PRX: variants seen among roughly 807,000 people sequenced by gnomAD.
PRX encodes periaxin.
In PRX, 24 loss-of-function variants were observed where a neutral mutation model predicts 29.6. That is an observed-to-expected ratio of 0.81 (90% CI 0.59 to 1.14). PRX has a LOEUF of 1.14. PRX is among the 50% of genes most tolerant of loss of function. The pLI is 0.00. For synonymous variants in PRX, 772 were observed against 831.7 expected (o/e 0.93, Z 1.24); for missense variants, 1,838 against 1,926.4 (o/e 0.95, Z 0.86).
In PRX at chr19:40,395,000, C is replaced by A. The variant is rs143654708; in HGVS notation, c.3352G>T (p.Val1118Phe). Residue 1118 changes from valine (V) to phenylalanine (F), a missense_variant, in exon 7 of 7, where the codon GTC becomes TTC. Transcript: ENST00000324001. This position sits in a 1 kb window ranked among gnomAD's most constrained non-coding sequence, Gnocchi z 5.8. Reference sequence around the variant, plus strand: ...AGGCCTGACAGCTGCATTCCACTGACGGCCACAGCCCCCTCTGCCCTCCCT... The same window carrying A: ...AGGCCTGACAGCTGCATTCCACTGAAGGCCACAGCCCCCTCTGCCCTCCCT... ...EEGRAEGAVAVSGMQLSGLKV... is the reference protein window; with the variant it reads ...EEGRAEGAVAFSGMQLSGLKV... 4 of 1,609,336 alleles carry A rather than the reference C, an allele frequency of 2.5e-6. 1 individual carries two copies. The East Asian group carries it at 8.9e-5, about 36-fold the overall frequency.
Position 40,399,893 on chromosome 19 carries a change from T to TTCTTTCTTTCTTTC in PRX, c.185-1078_185-1077insGAAAGAAAGAAAGA, listed in dbSNP as rs1555801773. 1.0e-3 allele frequency among the ~76,000 whole-genome samples: 71 copies of TTCTTTCTTTCTTTC among 67,924 alleles called. 2 individuals carry two copies. The highest frequency in any genetic ancestry group is 2.8e-3 in the Admixed American group (19 of 6,802). 44.6% of individuals were successfully genotyped at this position (67,924 alleles called of 152,430 possible). On this transcript the variant is annotated intron_variant, in intron 5 of 6. Coordinates refer to ENST00000324001, the MANE Select transcript of PRX (RefSeq NM_181882.3). ...TTTCTTTCTTTCTTTCTTTCTTTCT[T>TTCTTTCTTTCTTTC]TCTTTCTTTCTTTTTCTTTCTTTCT...
chr19:40,398,058 C>CG lies in PRX; in HGVS notation c.382-89dup. On this transcript the variant is annotated intron_variant, in intron 6 of 6. Coordinates refer to ENST00000324001, the MANE Select transcript of PRX (RefSeq NM_181882.3). The surrounding 1 kb of genome is among the most constrained non-coding windows in gnomAD (Gnocchi z 6.3). ...GAGCCCCACCTGGTATTGGACCAGG[C>CG]GGGGGATGTGCTGGGTCAAGTATCT... is the stretch of plus-strand genomic sequence containing the variant. 6.7e-7 allele frequency: 1 copy of CG among 1,495,762 alleles called. No homozygotes were observed. The allele number at this position is 1,495,762 out of a possible 1,614,324, so 92.7% of individuals were successfully genotyped here.
chr19:40,396,616 T>G lies in PRX; in HGVS notation c.1736A>C (p.Glu579Ala), dbSNP rs2145730092. Residue 579 changes from glutamate (E) to alanine (A), a missense_variant, in exon 7 of 7, where the codon GAG (glutamate) becomes GCG (alanine). Glu to Ala is a moderately radical substitution (Grantham distance 107). This residue lies in a region of PRX where 1,143 missense variants were observed against 1,193.0 expected (regional missense o/e 0.96). Transcript: ENST00000324001. ...LPEVQLPKVPEMKVPEMKLPK... is the reference protein window; with the variant it reads ...LPEVQLPKVPAMKVPEMKLPK... The stretch of plus-strand genomic sequence containing the variant: ...AAGCTTCATCTCAGGGACTTTCATC[T>G]CTGGCACTTTCGGCAGCTGCACCTC... 1 of 1,614,036 alleles carries G rather than the reference T, an allele frequency of 6.2e-7. No homozygotes were observed. The highest frequency in any genetic ancestry group is 8.5e-7 in the Non-Finnish European group (1 of 1,180,010).
chr19:40,397,712 G>C lies in PRX; in HGVS notation c.640C>G (p.Pro214Ala). The C allele has an allele frequency of 1.3e-6, 2 of 1,560,764 alleles. No individual in the cohort carries two copies. Among genetic ancestry groups the C allele is most frequent in the Non-Finnish European group, 1.7e-6 (2 of 1,157,110 alleles). ...TCAGCCTCCACCTTGGCTTTCCTGG[G>C]GGGAGGAGCGGCGGCGGCCAGCCGG... ...AARLAAAAPPPRKAKVEAEVA... is the reference protein window; with the variant it reads ...AARLAAAAPPARKAKVEAEVA... Residue 214 changes from proline to alanine, a missense_variant, in exon 7 of 7, where the codon CCC becomes GCC. Coordinates refer to ENST00000324001, the MANE Select transcript of PRX (RefSeq NM_181882.3).
chr19:40,401,062 C>T (rs1275631362), intron 5 of PRX, among the ~76,000 whole-genome samples: 3 of 152,138 alleles, frequency 2.0e-5, no homozygotes, highest in African/African-American at 7.2e-5. Flanking sequence ...ACCAGCAACT[C>T]CATCCTCAGG....
rs768402328 is a variant in PRX at position 40,396,569 on chromosome 19, G to T, written c.1783C>A (p.Leu595Ile). 1.2e-6 allele frequency: 2 copies of T among 1,613,208 alleles called. No homozygotes were observed. Among genetic ancestry groups the T allele is most frequent in the East Asian group, 2.2e-5 (1 of 44,774 alleles). ...ACTTCAGGGAGTTTCATCTCAGGAA[G>T]TTTCATCTCAGGCACCTTTGGAAGC... ...MKLPKVPEMK[L>I]PEMKLPEVQL... Residue 595 changes from leucine (L) to isoleucine (I), a missense_variant, in exon 7 of 7, where the codon CTT becomes ATT. By Grantham distance (5) the Leu-to-Ile change is conservative. Around this residue, in one of 3 missense-constraint regions of PRX, gnomAD observed 1,143 missense variants for 1,193.0 expected, o/e 0.96. Coordinates refer to ENST00000324001, the MANE Select transcript of PRX (RefSeq NM_181882.3).
chr19:40,413,489 G>A (rs1462942160), upstream of PRX: 2 of 152,278 alleles, frequency 1.3e-5, no homozygotes, highest in Non-Finnish European at 2.9e-5. Context: ...GGGTGGTGGA[G>A]AAACAAACAT....
intron 4 of PRX, 183 bp downstream of exon 4, chr19:40,407,723 A>G (rs2079538543): frequency 2.5e-6 from 2 of 799,248 alleles, no homozygotes; most frequent in African/African-American, 1.7e-5. Context: ...TGCTGCACTA[A>G]GGACATTACA....
At chr19:40,399,616 T>C (rs1008611909) in intron 5 of PRX, among the ~76,000 whole-genome samples, 3 of 152,212 alleles carry the variant, frequency 2.0e-5, no homozygotes, top group Non-Finnish European at 4.4e-5. Flanking sequence ...CTCTGTCATA[T>C]CCTTGCTTCC....
At position 40,396,346 on chromosome 19, in the gene PRX, T is replaced by C; in HGVS notation, c.2006A>G (p.Lys669Arg). ...CTCTGGCACAGCCATCTCAGGCATT[T>C]TAGGGAGTTTCATCTCTGGGACTTT... ...LPKVPEMKLP[K>R]MPEMAVPEVR... Residue 669 changes from lysine (K) to arginine (R), a missense_variant, in exon 7 of 7, where the codon AAA becomes AGA. Physicochemically the swap from Lys to Arg is conservative, Grantham distance 26. This residue lies in a region of PRX where 1,143 missense variants were observed against 1,193.0 expected (regional missense o/e 0.96). Coordinates refer to ENST00000324001, the MANE Select transcript of PRX (RefSeq NM_181882.3). 6.2e-7 allele frequency: 1 copy of C among 1,612,002 alleles called. No individual in the cohort carries two copies. Among genetic ancestry groups the C allele is most frequent in the East Asian group, 2.2e-5 (1 of 44,810 alleles).
rs758614032 is a variant in PRX, at chr19:40,395,562, C to G, written c.2790G>C (p.Lys930Asn). 13 of 1,614,098 alleles carry G rather than the reference C, an allele frequency of 8.1e-6. No individual in the cohort carries two copies. In the Admixed American group the frequency reaches 1.2e-4, roughly 14 times the overall value. ...MIETKVKPSSKFSLPKFGLSG... is the reference protein window; with the variant it reads ...MIETKVKPSSNFSLPKFGLSG... Reference sequence around the variant, plus strand: ...AGAGTCCAAACTTAGGTAAGGAGAACTTGGAAGAGGGCTTGACTTTTGTCT... The same window carrying G: ...AGAGTCCAAACTTAGGTAAGGAGAAGTTGGAAGAGGGCTTGACTTTTGTCT... The change falls in exon 7 of 7, where the codon AAG becomes AAC. Residue 930 changes from lysine (K) to asparagine (N), a missense_variant. This residue lies in a region of PRX where 1,143 missense variants were observed against 1,193.0 expected (regional missense o/e 0.96). Coordinates refer to ENST00000324001, the MANE Select transcript of PRX (RefSeq NM_181882.3).
rs1289914809 is a variant in PRX at position 40,398,182 on chromosome 19, G to A, written c.382-212C>T. The A allele has an allele frequency of 6.3e-6, 9 of 1,425,890 alleles. No individual in the cohort carries two copies. The highest frequency in any genetic ancestry group is 8.2e-6 in the Non-Finnish European group (9 of 1,095,212). The allele number at this position is 1,425,890 out of a possible 1,614,324, so 88.3% of individuals were successfully genotyped here. On this transcript the variant is annotated intron_variant, in intron 6 of 6. Coordinates refer to ENST00000324001, the MANE Select transcript of PRX (RefSeq NM_181882.3). This position sits in a 1 kb window ranked among gnomAD's most constrained non-coding sequence, Gnocchi z 6.3. The stretch of plus-strand genomic sequence containing the variant: ...AGGATCTCCAAATGAGTCAACAGGA[G>A]TGTAGGGACGGGGACCCAAGACTTC...
rs1300884787 is a variant in PRX, at chr19:40,398,581, G to A, written c.381+39C>T. On this transcript the variant is annotated intron_variant, in intron 6 of 6. Transcript: ENST00000324001. This position sits in a 1 kb window ranked among gnomAD's most constrained non-coding sequence, Gnocchi z 6.3. ...CTCACGGCGCAGAGACCGGATCGCT[G>A]GGGCAGTCCAGGGCCGGGGCCGGGC... 3.7e-6 allele frequency: 6 copies of A among 1,609,610 alleles called. No homozygotes were observed. The highest frequency in any genetic ancestry group is 8.5e-7 in the Non-Finnish European group (1 of 1,178,352).
At position 40,398,785 on chromosome 19, in the gene PRX, G is replaced by C. The variant is rs1040753771; in HGVS notation, c.216C>G (p.Phe72Leu). The C allele has an allele frequency of 3.7e-6, 6 of 1,613,944 alleles. No homozygotes were observed. The highest frequency in any genetic ancestry group is 5.1e-6 in the Non-Finnish European group (6 of 1,179,964). The change falls in exon 6 of 7, where the codon TTC becomes TTG. Residue 72 changes from phenylalanine to leucine, a missense_variant. Phe to Leu is a conservative substitution (Grantham distance 22). This residue lies in a region of PRX where 666 missense variants were observed against 665.0 expected (regional missense o/e 1.00). Transcript: ENST00000324001. This position sits in a 1 kb window ranked among gnomAD's most constrained non-coding sequence, Gnocchi z 6.3. Reference sequence around the variant, plus strand: ...GTGCGTCCTCGTACTTGAAGTTCTCGAAGAACACTCGGGCACTCAGCAGCT... The same window carrying C: ...GTGCGTCCTCGTACTTGAAGTTCTCCAAGAACACTCGGGCACTCAGCAGCT... ...GDQLLSARVF[F>L]ENFKYEDALR...
At chr19:40,413,577 C>G (rs1331297400), upstream of PRX, among the ~76,000 whole-genome samples, 1 of 152,188 alleles carries the variant, frequency 6.6e-6, no homozygotes, top group Non-Finnish European at 1.5e-5. Flanking sequence ...CTTGCCTGGG[C>G]CGAGATCTCT....
At chr19:40,404,641 C>T (rs2079520329) in intron 4 of PRX, among the ~76,000 whole-genome samples, 1 of 152,048 alleles carries the variant, frequency 6.6e-6, no homozygotes, top group Admixed American at 6.6e-5. Context: ...GTGATCATGG[C>T]TCACTGCAGC....
chr19:40,403,676 G>T, intron 5 of PRX, 30 bp downstream of exon 5: 2 of 1,514,926 alleles, frequency 1.3e-6, no homozygotes, highest in South Asian at 2.4e-5. Context: ...CCCGCAGTTC[G>T]ACCCCGCCCC....
At position 40,397,272 on chromosome 19, in the gene PRX, A is replaced by C; in HGVS notation, c.1080T>G (p.Leu360=). The change falls in exon 7 of 7, where the codon CTT becomes CTG. Residue 360 remains leucine, a synonymous_variant. Coordinates refer to ENST00000324001, the MANE Select transcript of PRX (RefSeq NM_181882.3). ...APEVALKMPR[L]SFPRFGARAK... ...CTCGAGCCCCAAATCGGGGAAAACTAAGGCGGGGCATCTTCAGGGCCACCT... is the reference window on the plus strand; with the variant it reads ...CTCGAGCCCCAAATCGGGGAAAACTCAGGCGGGGCATCTTCAGGGCCACCT... 1.2e-6 allele frequency: 2 copies of C among 1,613,558 alleles called. No homozygotes were observed. Among genetic ancestry groups the C allele is most frequent in the Non-Finnish European group, 8.5e-7 (1 of 1,180,014 alleles).
Position 40,402,531 on chromosome 19 carries a change from G to A in PRX, c.184+1175C>T, listed in dbSNP as rs1238921342. ...TCACACCTGTAATCCCAGCACTTTG[G>A]GAGGCCGAGGCGGGCAGATCACGAG... On this transcript the variant is annotated intron_variant, in intron 5 of 6. Transcript: ENST00000324001. Among the ~76,000 whole-genome samples, 3 of 151,520 alleles carry A rather than the reference G, an allele frequency of 2.0e-5. No homozygotes were observed. The East Asian group carries it at 5.9e-4, about 30-fold the overall frequency.
Sources: gnomAD v4.1 joint callset for allele counts (sites outside exome capture counted in the v4.1 genomes callset) on GRCh38, gnomAD v4.1.1 for gene constraint, gnomAD v4.1.1 regional missense constraint, Gnocchi (gnomAD v3.1) non-coding constraint, MANE v1.5 for transcripts, NCBI Gene and HGNC (gene_info 2026-07-23, HGNC 2026-07-21) for gene names.